The following ABCA10 variants were observed in gnomAD, a reference collection of about 807,000 sequenced individuals.
The protein encoded by ABCA10 is ATP-binding cassette sub-family A member 10.
Under a neutral mutation model 187.5 loss-of-function variants are expected in ABCA10, and 169 were observed. The observed-to-expected ratio is 0.90, with a 90% CI of 0.80 to 1.02. ABCA10 has a LOEUF of 1.02. Ranked by LOEUF, ABCA10 falls within the 50% of genes least tolerant of loss-of-function variation. The pLI, the probability that ABCA10 is intolerant of heterozygous loss-of-function variation, is 0.00. For synonymous variants in ABCA10, 574 were observed against 601.8 expected (o/e 0.95, Z 0.68); for missense variants, 1,727 against 1,812.4 (o/e 0.95, Z 0.86).
intron 9 of ABCA10, among the ~76,000 whole-genome samples, chr17:69,214,292 G>C (rs1403818494): frequency 6.6e-6 from 1 of 152,096 alleles, no homozygotes; most frequent in Non-Finnish European, 1.5e-5. Context: ...GAGGCGGGCG[G>C]ATCACGAGGT....
At chr17:69,152,263 T>C (rs1192870566) in intron 35 of ABCA10, 80 bp from the exon 36 acceptor site, 11 of 1,571,642 alleles carry the variant, frequency 7.0e-6, no homozygotes, top group South Asian at 6.1e-5. Context: ...GGTGTTTAAT[T>C]ACAGGTTAGG....
chr17:69,187,914 T>C (rs1280579664), intron 18 of ABCA10, 35 bp from the exon 19 acceptor site: 1 of 1,585,548 alleles, frequency 6.3e-7, no homozygotes, highest in East Asian at 2.2e-5. Flanking sequence ...TAATAGGCTA[T>C]GTTATCTGAA....
rs538764691 is a variant in ABCA10, at chr17:69,243,040, T to C, written c.-593+1489A>G. Among the ~76,000 whole-genome samples, 7 of 152,302 alleles carry C rather than the reference T, an allele frequency of 4.6e-5. No homozygotes were observed. In the South Asian group the frequency reaches 1.5e-3, roughly 32 times the overall value. ...TTATATCATTATTTAGTTTAGTTGA[T>C]AGATACCCCTTGATCAGTCCCAATT... On this transcript the variant is annotated intron_variant, in intron 1 of 39. Transcript: ENST00000269081.
rs2074105835 is a variant in ABCA10, at chr17:69,148,628, G to A, written c.*199C>T. ...GGGGATGAATAACATGTCTGATTTT[G>A]TTAATTTTGTCTACTACTTTTCCCT... is the stretch of plus-strand genomic sequence containing the variant. On this transcript the variant is annotated 3_prime_UTR_variant, in exon 39 of 39. Transcript: ENST00000690296. The A allele has an allele frequency of 3.8e-6, 2 of 522,038 alleles. No homozygotes were observed. The highest frequency in any genetic ancestry group is 3.6e-5 in the Admixed American group (1 of 27,902). 32.3% of individuals were successfully genotyped at this position (522,038 alleles called of 1,614,324 possible).
At chr17:69,197,033 A>T in intron 11 of ABCA10, 31 bp downstream of exon 11, 1 of 1,409,118 alleles carries the variant, frequency 7.1e-7, no homozygotes, top group Non-Finnish European at 9.7e-7. Context: ...GGAGAGGGAG[A>T]GGGAGAGGGA....
rs754030845 is a variant in ABCA10 at position 69,185,566 on chromosome 17, CAAT to C, written c.2405_2407del (p.His802_Cys803delinsArg). On this transcript the variant is annotated inframe_deletion, in exon 20 of 39. Transcript: ENST00000690296. Reference sequence around the variant, plus strand: ...ATACATACTGGGTGAAAACTCCCAACAATGAGTTTCACGAGTTACTTTATACAT... The same window carrying C: ...ATACATACTGGGTGAAAACTCCCAACGAGTTTCACGAGTTACTTTATACAT... The C allele has an allele frequency of 5.6e-6, 9 of 1,612,824 alleles. No individual in the cohort carries two copies. Among genetic ancestry groups the C allele is most frequent in the South Asian group, 1.1e-5 (1 of 90,994 alleles).
At chr17:69,218,318 C>CA (rs984100330) in intron 6 of ABCA10, among the ~76,000 whole-genome samples, 1 of 152,020 alleles carries the variant, frequency 6.6e-6, no homozygotes, top group African/African-American at 2.4e-5. Context: ...TTTTGTAGCA[C>CA]AGTCTCTAAA....
intron 27 of ABCA10, among the ~76,000 whole-genome samples, chr17:69,161,777 C>G (rs1178856292): frequency 1.3e-5 from 2 of 151,908 alleles, no homozygotes; most frequent in African/African-American, 4.8e-5. Flanking sequence ...TCTGCTAAAA[C>G]TGAAGCAAGA....
chr17:69,152,019 A>T, intron 36 of ABCA10, 24 bp downstream of exon 36: 1 of 1,598,696 alleles, frequency 6.3e-7, no homozygotes, highest in Non-Finnish European at 8.5e-7. Flanking sequence ...CATACTTGTC[A>T]CTCAAACCGA....
In ABCA10 at chr17:69,197,002, T is replaced by TGGACAGA. The variant is rs1483395654; in HGVS notation, c.1234+55_1234+61dup. On this transcript the variant is annotated intron_variant, in intron 11 of 38. Coordinates refer to ENST00000690296, the MANE Select transcript of ABCA10 (RefSeq NM_001377321.1). ...TCCGCTTGGCATCAGAGGGAGACCGTGGACAGAGGGAGGGGGAGGGGGAGA... is the reference window on the plus strand; with the variant it reads ...TCCGCTTGGCATCAGAGGGAGACCGTGGACAGAGGACAGAGGGAGGGGGAGGGGGAGA... 3 of 612,778 alleles carry TGGACAGA rather than the reference T, an allele frequency of 4.9e-6. No individual in the cohort carries two copies. In the East Asian group the frequency reaches 1.1e-4, roughly 23 times the overall value. 38.0% of individuals were successfully genotyped at this position (612,778 alleles called of 1,614,324 possible).
In ABCA10 at chr17:69,152,047, C is replaced by T; in HGVS notation, c.4393G>A (p.Glu1465Lys). 1 of 1,607,770 alleles carries T rather than the reference C, an allele frequency of 6.2e-7. No homozygotes were observed. Among genetic ancestry groups the T allele is most frequent in the Non-Finnish European group, 8.5e-7 (1 of 1,178,524 alleles). Residue 1465 changes from glutamate to lysine, a missense_variant, in exon 36 of 39, where the codon GAA (glutamate) becomes AAA (lysine). Glu to Lys is a moderately conservative substitution (Grantham distance 56, BLOSUM62 1). Transcript: ENST00000690296. ...CAAACCGAAAACATCCTTTACCTTT[C>T]CTGCCAAGCAGCCTGTGGGAAAAGC... Reference protein sequence around the residue: ...LKLFPQAAWQERYSSLMAYKL... With the variant: ...LKLFPQAAWQKRYSSLMAYKL...
intron 5 of ABCA10, 86 bp from the exon 6 acceptor site, chr17:69,219,857 T>C (rs2074733747): frequency 1.1e-6 from 1 of 929,474 alleles, no homozygotes; most frequent in African/African-American, 1.7e-5. Context: ...TCGATTTCAA[T>C]ATTTACATAT....
At chr17:69,170,006 G>A (rs946206598) in intron 25 of ABCA10, among the ~76,000 whole-genome samples, 1 of 152,050 alleles carries the variant, frequency 6.6e-6, no homozygotes, top group African/African-American at 2.4e-5. Flanking sequence ...TGGATTTTCT[G>A]GCCGGGCACG....
At chr17:69,171,068 G>A (rs926386602) in intron 25 of ABCA10, among the ~76,000 whole-genome samples, 1 of 152,156 alleles carries the variant, frequency 6.6e-6, no homozygotes. Flanking sequence ...TTTTGGGGAT[G>A]AAAACATCCC....
At chr17:69,156,535 G>A (rs2144756926) in intron 28 of ABCA10, among the ~76,000 whole-genome samples, 1 of 152,194 alleles carries the variant, frequency 6.6e-6, no homozygotes, top group Non-Finnish European at 1.5e-5. Context: ...TAAATGTACT[G>A]CAATAAAGAC....
chr17:69,236,998 G>C (rs1038173274), intron 1 of ABCA10, among the ~76,000 whole-genome samples: 5 of 152,220 alleles, frequency 3.3e-5, no homozygotes, highest in African/African-American at 1.2e-4. Flanking sequence ...ATTTTGGATA[G>C]TGAAGAGGAA....
intron 38 of ABCA10, 34 bp from the exon 39 acceptor site, chr17:69,148,959 G>T: frequency 1.2e-6 from 2 of 1,612,446 alleles, no homozygotes; most frequent in Non-Finnish European, 1.7e-6. Flanking sequence ...ATACAAAAAT[G>T]TCAGGGTGTG....
Position 69,165,064 on chromosome 17 carries a change from G to A in ABCA10, c.3182C>T (p.Thr1061Ile). 6.4e-7 allele frequency: 1 copy of A among 1,572,132 alleles called. No homozygotes were observed. Residue 1061 changes from threonine (T) to isoleucine (I), a missense_variant, in exon 26 of 39, where the codon ACA (threonine) becomes ATA (isoleucine). Coordinates refer to ENST00000690296, the MANE Select transcript of ABCA10 (RefSeq NM_001377321.1). ...GFFIILICVS[T>I]IMVSTQYEKL... ...TTCATATTGAGTTGATACCATAATT[G>A]TGGATACACATATTAAGATCTAGAA...
chr17:69,155,255 CTT>C, intron 29 of ABCA10, 119 bp from the exon 30 acceptor site: 2 of 692,290 alleles, frequency 2.9e-6, no homozygotes, highest in South Asian at 4.3e-5. Context: ...GGCTGAAGAG[CTT>C]TAGCCTCTTT....
Sources: gnomAD v4.1 joint callset for allele counts (sites outside exome capture counted in the v4.1 genomes callset) on GRCh38, gnomAD v4.1.1 for gene constraint, MANE v1.5 for transcripts, NCBI Gene and HGNC (gene_info 2026-07-23, HGNC 2026-07-21) for gene names.